Variants in ELOVL4 observed in about 807,000 individuals in gnomAD.
ELOVL4 encodes very long chain fatty acid elongase 4.
A neutral mutation model predicts 42.1 loss-of-function variants in ELOVL4; 18 were observed. The observed-to-expected ratio is 0.43, with a 90% CI of 0.30 to 0.63. The LOEUF (loss-of-function observed/expected upper bound fraction) is 0.63, where lower values mean the gene tolerates loss of function less well. Ranked by LOEUF, ELOVL4 falls within the 30% of genes least tolerant of loss-of-function variation. The probability of loss-of-function intolerance (pLI) is 0.15; values close to 1 mark genes in which losing one functional copy is unlikely to be tolerated. For missense variants in ELOVL4, 299 were observed against 376.2 expected (o/e 0.79, Z 1.70); for synonymous variants, 117 against 127.0 (o/e 0.92, Z 0.53).
rs759142410 is a variant in ELOVL4, at chr6:79,926,339, G to A, written c.143C>T (p.Pro48Leu). 5 of 1,613,948 alleles carry A rather than the reference G, an allele frequency of 3.1e-6. No individual in the cohort carries two copies. The South Asian group carries it at 5.5e-5, about 18-fold the overall frequency. ...ENWPLMQSPW[P>L]TLSISTLYLL... ...ATAAAGAGTGCTTATACTTAGTGTAGGCCAAGGAGACTGCATCAGAGGCCA... is the reference window on the plus strand; with the variant it reads ...ATAAAGAGTGCTTATACTTAGTGTAAGCCAAGGAGACTGCATCAGAGGCCA... The change falls in exon 2 of 6, where the codon CCT (proline) becomes CTT (leucine). Residue 48 changes from proline to leucine, a missense_variant. Pro to Leu is a moderately conservative substitution (Grantham distance 98, BLOSUM62 -3). Coordinates refer to ENST00000369816, the MANE Select transcript of ELOVL4 (RefSeq NM_022726.4).
intron 1 of ELOVL4, among the ~76,000 whole-genome samples, chr6:79,929,482 CCA>C (rs1312740139): frequency 6.6e-6 from 1 of 152,114 alleles, no homozygotes; most frequent in African/African-American, 2.4e-5. Flanking sequence ...CTCAAGCAAT[CCA>C]TCCACCTTGG....
intron 4 of ELOVL4, 138 bp downstream of exon 4, chr6:79,921,487 A>G: frequency 5.4e-6 from 3 of 559,316 alleles, no homozygotes; most frequent in South Asian, 5.5e-5. Context: ...AAAAAAAAAA[A>G]AAGAAATGAA....
intron 1 of ELOVL4, among the ~76,000 whole-genome samples, chr6:79,934,972 A>C (rs556898097): frequency 6.6e-6 from 1 of 152,348 alleles, no homozygotes; most frequent in South Asian, 2.1e-4. Flanking sequence ...ATAGACTGAG[A>C]AGACATTTTA....
intron 4 of ELOVL4, 145 bp from the exon 5 acceptor site, chr6:79,919,692 A>G (rs902157331): frequency 1.4e-6 from 1 of 733,894 alleles, no homozygotes; most frequent in Non-Finnish European, 2.1e-6. Flanking sequence ...AAGTAGTACT[A>G]ATGAAAAAGT....
rs1229253345 is a variant in ELOVL4, at chr6:79,928,699, C to T, written c.101-2318G>A. ...GAGGCATCAGAGAAAGCACACAAGA[C>T]CCTACCAGTAAGTAGACTGGTGACT... On this transcript the variant is annotated intron_variant, in intron 1 of 5. Coordinates refer to ENST00000369816, the MANE Select transcript of ELOVL4 (RefSeq NM_022726.4). Among the ~76,000 whole-genome samples the T allele has an allele frequency of 4.7e-5, 7 of 147,686 alleles. No homozygotes were observed. In the South Asian group the frequency reaches 1.5e-3, roughly 32 times the overall value.
At chr6:79,941,849 T>A (rs1774651799) in intron 1 of ELOVL4, among the ~76,000 whole-genome samples, 1 of 152,188 alleles carries the variant, frequency 6.6e-6, no homozygotes, top group Non-Finnish European at 1.5e-5. Context: ...TGTGATAATC[T>A]CTGATGTTGG....
intron 1 of ELOVL4, among the ~76,000 whole-genome samples, chr6:79,928,262 T>C (rs1490044815): frequency 1.3e-5 from 2 of 152,114 alleles, no homozygotes; most frequent in African/African-American, 2.4e-5. Flanking sequence ...ATGAGACTTA[T>C]ACAAAGAGCA....
rs189577160 is a variant in ELOVL4, at chr6:79,944,590, T to C, written c.100+2590A>G. On this transcript the variant is annotated intron_variant, in intron 1 of 5. Transcript: ENST00000369816. Reference sequence around the variant, plus strand: ...CCATATTTTGTATTTGCTACATATGTGCCTCTGAAAAGCCCAGTTTTCAGA... The same window carrying C: ...CCATATTTTGTATTTGCTACATATGCGCCTCTGAAAAGCCCAGTTTTCAGA... 3.3e-5 allele frequency among the ~76,000 whole-genome samples: 5 copies of C among 152,340 alleles called. No homozygotes were observed. In the East Asian group the frequency reaches 9.6e-4, roughly 29 times the overall value.
intron 3 of ELOVL4, 105 bp downstream of exon 3, chr6:79,924,821 CAAGAAACTGTCTCTAAATGAATGTTA>C (rs1456598933): frequency 1.0e-5 from 7 of 672,542 alleles, no homozygotes; most frequent in East Asian, 2.8e-5. Flanking sequence ...GGGGACAGAG[CAAGAAACTGTCTCTAAATGAATGTTA>C]AAGAAACTGT....
In ELOVL4 at chr6:79,947,478, TCGTCAAGGTTCC is replaced by T. The variant is rs1774772470; in HGVS notation, c.-211_-200del. On this transcript the variant is annotated 5_prime_UTR_variant, in exon 1 of 6. Transcript: ENST00000369816. ...AGAAGGCAGGGCCAAGCGGAAGGCGTCGTCAAGGTTCCCGGGAGAAAGACGAGGAGGTGGAGG... is the reference window on the plus strand; with the variant it reads ...AGAAGGCAGGGCCAAGCGGAAGGCGTCGGGAGAAAGACGAGGAGGTGGAGG... The T allele has an allele frequency of 1.7e-6, 1 of 602,492 alleles. No homozygotes were observed. The highest frequency in any genetic ancestry group is 2.7e-5 in the Admixed American group (1 of 36,504). The allele number at this position is 602,492 out of a possible 1,614,324, so 37.3% of individuals were successfully genotyped here.
At chr6:79,921,515 A>G in intron 4 of ELOVL4, 110 bp downstream of exon 4, 1 of 836,880 alleles carries the variant, frequency 1.2e-6, no homozygotes, top group Non-Finnish European at 2.0e-6. Flanking sequence ...ATGATTAACC[A>G]TGAAAGCAAG....
At chr6:79,917,027 G>T in intron 5 of ELOVL4, 144 bp from the exon 6 acceptor site, 2 of 841,490 alleles carry the variant, frequency 2.4e-6, no homozygotes, top group South Asian at 1.6e-5. Flanking sequence ...CCCATGGCTA[G>T]CTCCTCATTC....
In ELOVL4 at chr6:79,947,444, G is replaced by C. The variant is rs1235684364; in HGVS notation, c.-165C>G. On this transcript the variant is annotated 5_prime_UTR_variant, in exon 1 of 6. Coordinates refer to ENST00000369816, the MANE Select transcript of ELOVL4 (RefSeq NM_022726.4). ...GCTCCTCAAGGCGCCGCGGCGGCGG[G>C]GATGCGGCAGAAGGCAGGGCCAAGC... The C allele has an allele frequency of 6.2e-6, 4 of 646,880 alleles. No individual in the cohort carries two copies. The highest frequency in any genetic ancestry group is 1.1e-5 in the Non-Finnish European group (4 of 363,420). The allele number at this position is 646,880 out of a possible 1,614,324, so 40.1% of individuals were successfully genotyped here. A position where few individuals can be genotyped will look rare whatever the true frequency, so the allele number is the denominator to read the frequency against.
intron 1 of ELOVL4, 87 bp from the exon 2 acceptor site, chr6:79,926,468 T>G (rs1774345547): frequency 7.6e-7 from 1 of 1,313,436 alleles, no homozygotes. Flanking sequence ...TGTTTCAACT[T>G]AATTTCCTAA....
rs1582055766 is a variant in ELOVL4 at position 79,940,533 on chromosome 6, T to C, written c.100+6647A>G. On this transcript the variant is annotated intron_variant, in intron 1 of 5. Coordinates refer to ENST00000369816, the MANE Select transcript of ELOVL4 (RefSeq NM_022726.4). The stretch of plus-strand genomic sequence containing the variant: ...ATGCTCATATATAAAGTGTTTATAA[T>C]AGAAAATCATTTGTAATGATGTATG... 2.0e-5 allele frequency among the ~76,000 whole-genome samples: 3 copies of C among 152,314 alleles called. No individual in the cohort carries two copies. In the East Asian group the frequency reaches 5.8e-4, roughly 29 times the overall value.
chr6:79,934,164 A>G (rs1774504040), intron 1 of ELOVL4, among the ~76,000 whole-genome samples: 2 of 152,302 alleles, frequency 1.3e-5, no homozygotes, highest in South Asian at 4.1e-4. Flanking sequence ...GACAATGACA[A>G]TCACACCAGA....
chr6:79,928,793 G>A (rs547173997), intron 1 of ELOVL4, among the ~76,000 whole-genome samples: 2 of 143,762 alleles, frequency 1.4e-5, no homozygotes, highest in Admixed American at 1.4e-4. Context: ...AGACTAGAGG[G>A]CAGTGGTGCA....
intron 3 of ELOVL4, among the ~76,000 whole-genome samples, chr6:79,922,889 G>A (rs1774281649): frequency 6.6e-6 from 1 of 152,122 alleles, no homozygotes; most frequent in African/African-American, 2.4e-5. Flanking sequence ...ATTATTTACT[G>A]AATTTACTTG....
chr6:79,925,388 T>A (rs1038576488), intron 2 of ELOVL4, among the ~76,000 whole-genome samples: 1 of 152,174 alleles, frequency 6.6e-6, no homozygotes, highest in Non-Finnish European at 1.5e-5. Flanking sequence ...ATCTAACAAA[T>A]TAGGTACAGG....
Sources: allele counts gnomAD v4.1 joint callset (sites outside exome capture counted in the v4.1 genomes callset), GRCh38; gene constraint gnomAD v4.1.1; transcripts MANE v1.5; gene names NCBI Gene and HGNC (gene_info 2026-07-23, HGNC 2026-07-21).